Variants in PKHD1 observed in about 807,000 individuals in gnomAD.
PKHD1 encodes fibrocystin.
A neutral mutation model predicts 412.0 loss-of-function variants in PKHD1; 291 were observed. The observed-to-expected ratio is 0.71, with a 90% CI of 0.64 to 0.78. The LOEUF (loss-of-function observed/expected upper bound fraction) is 0.78, where lower values mean the gene tolerates loss of function less well. Among genes scored for constraint, PKHD1 ranks in the 30% least tolerant of loss-of-function variants. PKHD1 has a pLI of 0.00. For synonymous variants in PKHD1, 1,777 were observed against 1,821.5 expected, an observed-to-expected ratio of 0.98 and a Z score of 0.62; for missense variants, 4,825 against 4,950.7, an observed-to-expected ratio of 0.97 and a Z score of 0.76.
chr6:51,720,211 T>C (rs1215027479), intron 60 of PKHD1, among the ~76,000 whole-genome samples: 1 of 152,218 alleles, frequency 6.6e-6, no homozygotes, highest in Non-Finnish European at 1.5e-5. Context: ...ATCACTGAGA[T>C]AGAACTGCTA....
rs78762338 is a variant in PKHD1, at chr6:51,710,961, G to A, written c.10156+33424C>T. Among the ~76,000 whole-genome samples, 28 of 152,252 alleles carry A rather than the reference G, an allele frequency of 1.8e-4. No homozygotes were observed. The East Asian group carries it at 4.6e-3, about 25-fold the overall frequency. ...AGGCTGTATCAGGTACCTCTTGTGT[G>A]CTACTTCAAATCTTCTTGGTCTCAT... On this transcript the variant is annotated intron_variant, in intron 60 of 66. Coordinates refer to ENST00000371117, the MANE Select transcript of PKHD1 (RefSeq NM_138694.4).
At chr6:52,031,932 G>A (rs1034001001) in intron 29 of PKHD1, among the ~76,000 whole-genome samples, 5 of 152,120 alleles carry the variant, frequency 3.3e-5, no homozygotes, top group African/African-American at 4.8e-5. Context: ...TGCTTCCTTG[G>A]CACTGATATA....
chr6:52,086,643 T>A (rs988496291), intron 1 of PKHD1, among the ~76,000 whole-genome samples: 3 of 152,218 alleles, frequency 2.0e-5, no homozygotes, highest in African/African-American at 7.2e-5. Context: ...CTAAGCACTA[T>A]ACTAAAAGTT....
chr6:52,077,342 G>A (rs572725726), intron 5 of PKHD1, among the ~76,000 whole-genome samples: 1 of 152,200 alleles, frequency 6.6e-6, no homozygotes, highest in South Asian at 2.1e-4. Context: ...GGATGAACTG[G>A]CCAGACCAAG....
intron 60 of PKHD1, among the ~76,000 whole-genome samples, chr6:51,694,384 T>G (rs962377517): frequency 6.6e-6 from 1 of 151,854 alleles, no homozygotes; most frequent in African/African-American, 2.4e-5. Context: ...TCATTAAATT[T>G]ATTTATTTAC....
At chr6:52,022,758 A>G (rs373541612) in intron 33 of PKHD1, 43 bp downstream of exon 33, 29 of 1,595,988 alleles carry the variant, frequency 1.8e-5, no homozygotes, top group Non-Finnish European at 2.5e-5. Context: ...TATCATTTCC[A>G]TATATATGCT....
At chr6:52,007,777 T>C (rs1486313902) in intron 35 of PKHD1, among the ~76,000 whole-genome samples, 1 of 152,210 alleles carries the variant, frequency 6.6e-6, no homozygotes, top group Non-Finnish European at 1.5e-5. Flanking sequence ...AATTTTCCCA[T>C]TATACAGAAT....
chr6:52,035,887 A>G (rs1019801082), intron 27 of PKHD1, among the ~76,000 whole-genome samples, 166 bp from the exon 28 acceptor site: 3 of 152,202 alleles, frequency 2.0e-5, no homozygotes, highest in East Asian at 3.8e-4. Context: ...TATATAAACT[A>G]TCATATAGAA....
At chr6:51,942,057 G>A (rs1012017277) in intron 36 of PKHD1, among the ~76,000 whole-genome samples, 11 of 151,446 alleles carry the variant, frequency 7.3e-5, no homozygotes, top group Non-Finnish European at 7.4e-5. Context: ...GGATACTTTC[G>A]ACTTTAGACA....
chr6:51,794,439 A>C (rs1794266897), intron 52 of PKHD1, among the ~76,000 whole-genome samples: 1 of 152,158 alleles, frequency 6.6e-6, no homozygotes, highest in African/African-American at 2.4e-5. Flanking sequence ...TGTCAGATGC[A>C]TAGATTGCAA....
intron 60 of PKHD1, among the ~76,000 whole-genome samples, chr6:51,690,186 C>T (rs1243918622): frequency 1.4e-5 from 2 of 145,576 alleles, no homozygotes; most frequent in South Asian, 2.2e-4. Context: ...GCAGAAGAAT[C>T]GCTTGAACTC....
intron 29 of PKHD1, among the ~76,000 whole-genome samples, chr6:52,031,819 A>G (rs946278190): frequency 3.9e-5 from 6 of 152,250 alleles, no homozygotes; most frequent in Non-Finnish European, 8.8e-5. Flanking sequence ...TGCTTGTAGA[A>G]AGATTTAAAT....
chr6:51,997,086 G>A (rs185371726), intron 35 of PKHD1, among the ~76,000 whole-genome samples: 2 of 152,178 alleles, frequency 1.3e-5, no homozygotes, highest in African/African-American at 4.8e-5. Flanking sequence ...GGGGGGTTCT[G>A]GGGAAGAAAT....
intron 47 of PKHD1, among the ~76,000 whole-genome samples, chr6:51,869,694 T>G (rs1248397920): frequency 2.0e-5 from 3 of 152,136 alleles, no homozygotes; most frequent in Non-Finnish European, 4.4e-5. Context: ...CAAGCACTTG[T>G]TATGAGGCAT....
chr6:51,916,077 T>A (rs1783764153), intron 37 of PKHD1, among the ~76,000 whole-genome samples: 1 of 152,124 alleles, frequency 6.6e-6, no homozygotes, highest in Admixed American at 6.6e-5. Flanking sequence ...AGTGCATGTG[T>A]CTTTTCTCTC....
intron 46 of PKHD1, among the ~76,000 whole-genome samples, chr6:51,874,349 G>C (rs1164936204): frequency 6.6e-6 from 1 of 152,104 alleles, no homozygotes; most frequent in Non-Finnish European, 1.5e-5. Flanking sequence ...AACAAACTAC[G>C]CACCCAAACT....
chr6:51,874,362 G>C (rs1776502667), intron 46 of PKHD1, among the ~76,000 whole-genome samples: 1 of 152,086 alleles, frequency 6.6e-6, no homozygotes, highest in Admixed American at 6.5e-5. Flanking sequence ...CCCAAACTAG[G>C]ATATATCGTC....
intron 15 of PKHD1, 39 bp from the exon 16 acceptor site, chr6:52,058,640 G>A (rs115660674): frequency 2.5e-6 from 4 of 1,594,562 alleles, no homozygotes; most frequent in Non-Finnish European, 3.4e-6. Flanking sequence ...ATACTATGCA[G>A]CTTCCAGGCA....
At chr6:52,044,833 T>A in intron 25 of PKHD1, 133 bp downstream of exon 25, 1 of 931,782 alleles carries the variant, frequency 1.1e-6, no homozygotes, top group Non-Finnish European at 1.8e-6. Flanking sequence ...AGGACAGCCA[T>A]AAGTACCCCT....
Sources: allele counts gnomAD v4.1 joint callset (sites outside exome capture counted in the v4.1 genomes callset), GRCh38; gene constraint gnomAD v4.1.1; transcripts MANE v1.5; gene names NCBI Gene and HGNC (gene_info 2026-07-23, HGNC 2026-07-21).